Variants in MTUS1 observed in about 807,000 individuals in gnomAD.
The protein encoded by MTUS1 is microtubule-associated tumor suppressor 1.
Under a neutral mutation model 120.8 loss-of-function variants are expected in MTUS1, and 109 were observed. That is an observed-to-expected ratio of 0.90 (90% CI 0.77 to 1.06). The LOEUF (loss-of-function observed/expected upper bound fraction) is 1.06. Among genes scored for constraint, MTUS1 ranks in the 50% least tolerant of loss-of-function variants. The pLI, the probability that MTUS1 is intolerant of heterozygous loss-of-function variation, is 0.00. For missense variants in MTUS1, 2,210 were observed against 1,486.3 expected, an observed-to-expected ratio of 1.49 and a Z score of -8.01; for synonymous variants, 737 against 550.5, an observed-to-expected ratio of 1.34 and a Z score of -4.74.
At chr8:17,709,835 G>T (rs567520653) in intron 6 of MTUS1, among the ~76,000 whole-genome samples, 1 of 151,724 alleles carries the variant, frequency 6.6e-6, no homozygotes, top group African/African-American at 2.4e-5. Flanking sequence ...GTGAAACCCC[G>T]TCTCTACTAA....
At chr8:17,744,689 C>CTTTTTT (rs58283163) in intron 2 of MTUS1, among the ~76,000 whole-genome samples, 7 of 99,018 alleles carry the variant, frequency 7.1e-5, no homozygotes, top group East Asian at 3.0e-4. Context: ...ACCATGTTTT[C>CTTTTTT]TTTTTTTTTT....
At chr8:17,679,356 CGTGTGT>C (rs10596467) in intron 7 of MTUS1, among the ~76,000 whole-genome samples, 5,500 of 112,546 alleles carry the variant, frequency 0.049, 338 homozygotes, top group African/African-American at 0.14. Context: ...TGTGCGCGCG[CGTGTGT>C]GTGTGTGTGT....
At chr8:17,706,541 G>T (rs1487249555) in intron 6 of MTUS1, among the ~76,000 whole-genome samples, 25 of 152,202 alleles carry the variant, frequency 1.6e-4, no homozygotes, top group Admixed American at 1.6e-3. Flanking sequence ...AATATCCAAT[G>T]TTGACCCAAG....
intron 1 of MTUS1, among the ~76,000 whole-genome samples, chr8:17,789,054 C>T (rs547677497): frequency 1.3e-5 from 2 of 149,250 alleles, no homozygotes; most frequent in Non-Finnish European, 3.0e-5. Flanking sequence ...TTTTTTGAGA[C>T]GGAGTTTCAC....
At chr8:17,692,935 A>T (rs1328999160) in intron 6 of MTUS1, among the ~76,000 whole-genome samples, 1 of 152,218 alleles carries the variant, frequency 6.6e-6, no homozygotes, top group Non-Finnish European at 1.5e-5. Flanking sequence ...ACGTACGTAC[A>T]CATGTTCCTC....
chr8:17,725,827 G>A (rs944824209), intron 3 of MTUS1, among the ~76,000 whole-genome samples: 1 of 152,114 alleles, frequency 6.6e-6, no homozygotes, highest in African/African-American at 2.4e-5. Flanking sequence ...TTTTATGTGT[G>A]GCCCAAGACA....
At chr8:17,757,115 C>T (rs2048685554) in intron 1 of MTUS1, among the ~76,000 whole-genome samples, 1 of 152,162 alleles carries the variant, frequency 6.6e-6, no homozygotes, top group Non-Finnish European at 1.5e-5. Context: ...AATAGAAGCA[C>T]TATTCATAAT....
intron 1 of MTUS1, among the ~76,000 whole-genome samples, chr8:17,798,523 G>A (rs1240493186): frequency 2.0e-5 from 3 of 152,034 alleles, no homozygotes; most frequent in Admixed American, 6.6e-5. Flanking sequence ...TAGTAGAGAC[G>A]GGGTTTCACC....
chr8:17,684,385 G>A lies in MTUS1; in HGVS notation c.2781C>T (p.Ala927=). 1 of 1,614,166 alleles carries A rather than the reference G, an allele frequency of 6.2e-7. No homozygotes were observed. Among genetic ancestry groups the A allele is most frequent in the African/African-American group, 1.3e-5 (1 of 75,034 alleles). Residue 927 remains alanine (A), a synonymous_variant, in exon 7 of 15, where the codon GCC becomes GCT. Coordinates refer to ENST00000693296, the MANE Select transcript of MTUS1 (RefSeq NM_001363059.2). ...GFILQLKQLL[A]CGNTKFEALT... ...ATGCCTCAAACTTGGTATTACCACA[G>A]GCAAGAAGCTGCTTGAGCTGCAGGA...
chr8:17,666,501 A>G (rs1810941487), intron 8 of MTUS1, among the ~76,000 whole-genome samples: 1 of 152,196 alleles, frequency 6.6e-6, no homozygotes, highest in East Asian at 1.9e-4. Flanking sequence ...TTTTTACATA[A>G]AAGAAACAAC....
intron 12 of MTUS1, among the ~76,000 whole-genome samples, 198 bp downstream of exon 12, chr8:17,652,988 C>G (rs67828019): frequency 3.9e-5 from 6 of 151,968 alleles, no homozygotes; most frequent in Non-Finnish European, 8.8e-5. Flanking sequence ...GGACTTCATC[C>G]GTATGTCAGA....
At chr8:17,679,491 A>C (rs1282826576) in intron 7 of MTUS1, among the ~76,000 whole-genome samples, 40 of 93,958 alleles carry the variant, frequency 4.3e-4, no homozygotes, top group South Asian at 6.4e-4. Context: ...TTTTTATTTT[A>C]TTTATTTATT....
At chr8:17,759,839 G>A (rs1324703420) in intron 1 of MTUS1, among the ~76,000 whole-genome samples, 5 of 151,500 alleles carry the variant, frequency 3.3e-5, no homozygotes, top group Admixed American at 2.0e-4. Context: ...AAGAGTAACA[G>A]AAAAATAAAG....
At chr8:17,758,924 C>T (rs926685187) in intron 1 of MTUS1, among the ~76,000 whole-genome samples, 6 of 152,290 alleles carry the variant, frequency 3.9e-5, no homozygotes, top group East Asian at 3.9e-4. Flanking sequence ...CACTGTCGCC[C>T]GGGCTGGAGT....
At chr8:17,722,482 T>G (rs1008310869) in intron 4 of MTUS1, 6 of 985,184 alleles carry the variant, frequency 6.1e-6, no homozygotes, top group Non-Finnish European at 7.2e-6. Flanking sequence ...CCTTCAAAAT[T>G]CCAACAGTAA....
At chr8:17,767,870 A>G (rs2049684230) in intron 1 of MTUS1, among the ~76,000 whole-genome samples, 1 of 152,150 alleles carries the variant, frequency 6.6e-6, no homozygotes, top group Admixed American at 6.5e-5. Context: ...ATGGAGACTG[A>G]TGCTTCGAAT....
chr8:17,723,836 T>C lies in MTUS1; in HGVS notation c.2288-3A>G. 6.4e-7 allele frequency: 1 copy of C among 1,550,412 alleles called. No homozygotes were observed. Among genetic ancestry groups the C allele is most frequent in the Non-Finnish European group, 8.7e-7 (1 of 1,150,088 alleles). On this transcript the variant is annotated splice_region_variant and splice_polypyrimidine_tract_variant and intron_variant, in intron 3 of 14. Coordinates refer to ENST00000693296, the MANE Select transcript of MTUS1 (RefSeq NM_001363059.2). The stretch of plus-strand genomic sequence containing the variant: ...AGTTTTCAAGGATGTAGGCTTTCCT[T>C]GGGGTTTAAAAAAAACAAAAAGTTT...
intron 6 of MTUS1, among the ~76,000 whole-genome samples, chr8:17,687,184 G>T (rs916204353): frequency 6.6e-6 from 1 of 152,122 alleles, no homozygotes; most frequent in Non-Finnish European, 1.5e-5. Flanking sequence ...TGCCCTCTCC[G>T]TGGCGCTGGA....
At chr8:17,722,128 C>T in intron 4 of MTUS1, 2 of 1,245,802 alleles carry the variant, frequency 1.6e-6, no homozygotes, top group East Asian at 3.3e-5. Context: ...ACTAGACAGG[C>T]TCTGTGGGTG....
Sources: gnomAD v4.1 joint callset for allele counts (sites outside exome capture counted in the v4.1 genomes callset) on GRCh38, gnomAD v4.1.1 for gene constraint, MANE v1.5 for transcripts, NCBI Gene and HGNC (gene_info 2026-07-23, HGNC 2026-07-21) for gene names.